PTPN4: variants seen among roughly 807,000 people sequenced by gnomAD.
The protein encoded by PTPN4 is tyrosine-protein phosphatase non-receptor type 4.
PTPN4 carries 49 observed loss-of-function variants against 135.5 expected under a neutral mutation model. The ratio of observed to expected loss-of-function variants is 0.36; its 90% CI spans 0.29 to 0.46. The LOEUF (loss-of-function observed/expected upper bound fraction) is 0.46. Among genes scored for constraint, PTPN4 ranks in the 20% least tolerant of loss-of-function variants. The pLI is 1.00. For missense variants in PTPN4, 860 were observed against 1,101.0 expected (o/e 0.78, Z 3.10); for synonymous variants, 333 against 369.9 (o/e 0.90, Z 1.14).
intron 1 of PTPN4, among the ~76,000 whole-genome samples, chr2:119,762,678 G>A (rs6542548): frequency 0.97 from 148,231 of 152,192 alleles, 72,305 homozygotes; most frequent in East Asian, 1. Context: ...TGTATGTTTA[G>A]GGGCAAATGT....
At position 119,802,193 on chromosome 2, in the gene PTPN4, G is replaced by A. The variant is rs141612551; in HGVS notation, c.-17-7644G>A. 2.3e-4 allele frequency among the ~76,000 whole-genome samples: 35 copies of A among 152,216 alleles called. No homozygotes were observed. The East Asian group carries it at 5.6e-3, about 24-fold the overall frequency. Reference sequence around the variant, plus strand: ...GCTGGGATTACCGGCCACCGTGCCCGGCGCTCCTCCTTTTTTTAACCTCAC... The same window carrying A: ...GCTGGGATTACCGGCCACCGTGCCCAGCGCTCCTCCTTTTTTTAACCTCAC... On this transcript the variant is annotated intron_variant, in intron 1 of 26. Transcript: ENST00000263708.
At chr2:119,946,640 A>G (rs1372046147) in intron 18 of PTPN4, 66 bp downstream of exon 18, 1 of 1,204,306 alleles carries the variant, frequency 8.3e-7, no homozygotes, top group African/African-American at 1.5e-5. Context: ...TATAATTCTT[A>G]CTAGTTTAAA....
chr2:119,793,025 C>A (rs1178985118), intron 1 of PTPN4, among the ~76,000 whole-genome samples: 1 of 152,146 alleles, frequency 6.6e-6, no homozygotes, highest in African/African-American at 2.4e-5. Flanking sequence ...ACTGTGTGCG[C>A]ATTGTCATTG....
At chr2:119,958,312 C>T (rs1242227555) in intron 22 of PTPN4, among the ~76,000 whole-genome samples, 1 of 110,602 alleles carries the variant, frequency 9.0e-6, no homozygotes, top group Non-Finnish European at 1.9e-5. Flanking sequence ...CACTGGGTGA[C>T]AGAACAAGAC....
At chr2:119,923,657 C>T (rs1558765329) in intron 12 of PTPN4, among the ~76,000 whole-genome samples, 1 of 151,808 alleles carries the variant, frequency 6.6e-6, no homozygotes, top group East Asian at 1.9e-4. Context: ...AAAAAAATAA[C>T]TTTTTATCAG....
chr2:119,795,646 G>GT (rs1346382634), intron 1 of PTPN4, among the ~76,000 whole-genome samples: 1 of 151,372 alleles, frequency 6.6e-6, no homozygotes, highest in Non-Finnish European at 1.5e-5. Flanking sequence ...GTGAGGGCAA[G>GT]GGGGGGCCTT....
chr2:119,947,539 A>T (rs954500547), intron 18 of PTPN4, among the ~76,000 whole-genome samples: 1 of 152,168 alleles, frequency 6.6e-6, no homozygotes, highest in Non-Finnish European at 1.5e-5. Context: ...ACACAAAACT[A>T]AAGAGCATGA....
At chr2:119,921,195 G>A (rs545610962) in intron 12 of PTPN4, among the ~76,000 whole-genome samples, 37 of 152,182 alleles carry the variant, frequency 2.4e-4, no homozygotes, top group African/African-American at 5.5e-4. Flanking sequence ...GCTGAGGCAC[G>A]AGAATTGCTT....
chr2:119,771,713 C>T (rs369773341), intron 1 of PTPN4: 10 of 152,222 alleles, frequency 6.6e-5, no homozygotes, highest in South Asian at 2.1e-4. Context: ...CTAATTTTCC[C>T]TATCACAGCC....
In PTPN4 at chr2:119,821,380, C is replaced by T. The variant is rs575805862; in HGVS notation, c.138+11389C>T. 5.3e-5 allele frequency among the ~76,000 whole-genome samples: 8 copies of T among 152,054 alleles called. No homozygotes were observed. In the South Asian group the frequency reaches 6.2e-4, roughly 12 times the overall value. On this transcript the variant is annotated intron_variant, in intron 2 of 26. Coordinates refer to ENST00000263708, the MANE Select transcript of PTPN4 (RefSeq NM_002830.4). ...TGCTGAGATTACAGGTGTGAGCCAC[C>T]GCCTCTGGCCTCTATAATTTTTAGT...
At chr2:119,805,846 CA>C (rs1265531163) in intron 1 of PTPN4, among the ~76,000 whole-genome samples, 2 of 152,266 alleles carry the variant, frequency 1.3e-5, no homozygotes, top group Non-Finnish European at 2.9e-5. Flanking sequence ...ATGGGGATGG[CA>C]TTGAATCTAT....
chr2:119,962,509 G>T (rs1574423284), intron 23 of PTPN4, 107 bp from the exon 24 acceptor site: 2 of 632,208 alleles, frequency 3.2e-6, no homozygotes, highest in Non-Finnish European at 4.4e-6. Flanking sequence ...AATTTTTCTT[G>T]TAACTTTTAT....
At chr2:119,763,683 T>C (rs1262781427) in intron 1 of PTPN4, among the ~76,000 whole-genome samples, 2 of 152,222 alleles carry the variant, frequency 1.3e-5, no homozygotes, top group African/African-American at 4.8e-5. Context: ...TTGACAAATA[T>C]CATAGAAATA....
At position 119,979,852 on chromosome 2, in the gene PTPN4, T is replaced by G. The variant is rs1035724718; in HGVS notation, c.*2782T>G. ...CAATAGTGGTTAATCAAGTGGATTT[T>G]GTAAATGCTAAGAAGTGTTTGTGAA... On this transcript the variant is annotated 3_prime_UTR_variant, in exon 27 of 27. Transcript: ENST00000263708. 6.6e-6 allele frequency: 1 copy of G among 152,162 alleles called. No homozygotes were observed. The highest frequency in any genetic ancestry group is 2.4e-5 in the African/African-American group (1 of 41,468). The allele number at this position is 152,162 out of a possible 1,614,324, so 9.4% of individuals were successfully genotyped here.
chr2:119,775,173 A>G (rs181199907), intron 1 of PTPN4, among the ~76,000 whole-genome samples: 1 of 150,900 alleles, frequency 6.6e-6, no homozygotes, highest in Admixed American at 6.6e-5. Flanking sequence ...ATCAAGATTT[A>G]AGGGAGGAAA....
chr2:119,921,500 C>G (rs757665742), intron 12 of PTPN4, among the ~76,000 whole-genome samples: 1 of 152,048 alleles, frequency 6.6e-6, no homozygotes, highest in Non-Finnish European at 1.5e-5. Context: ...ACTCCCACCC[C>G]AGAAAAATTA....
intron 2 of PTPN4, among the ~76,000 whole-genome samples, chr2:119,853,894 C>G (rs762942219): frequency 6.6e-6 from 1 of 151,966 alleles, no homozygotes; most frequent in Non-Finnish European, 1.5e-5. Context: ...ATAAACAACA[C>G]GGACACATGT....
chr2:119,903,880 G>A (rs538356445), intron 10 of PTPN4, among the ~76,000 whole-genome samples: 20 of 152,272 alleles, frequency 1.3e-4, no homozygotes, highest in Admixed American at 1.2e-3. Flanking sequence ...CTAAGCCACT[G>A]AGGAACTCAC....
At chr2:119,852,317 G>C (rs145120886) in intron 2 of PTPN4, among the ~76,000 whole-genome samples, 2 of 152,312 alleles carry the variant, frequency 1.3e-5, no homozygotes, top group South Asian at 4.1e-4. Context: ...AGCCAACAGG[G>C]GAAGGACACA....
Sources: gnomAD v4.1 joint callset for allele counts (sites outside exome capture counted in the v4.1 genomes callset) on GRCh38, gnomAD v4.1.1 for gene constraint, MANE v1.5 for transcripts, NCBI Gene and HGNC (gene_info 2026-07-23, HGNC 2026-07-21) for gene names.